Variants in WNT5B observed in about 807,000 individuals in gnomAD.
The protein encoded by WNT5B is Wnt family member 5B.
Under a neutral mutation model 36.5 loss-of-function variants are expected in WNT5B, and 18 were observed. That is an observed-to-expected ratio of 0.49 (90% CI 0.34 to 0.73). WNT5B has a LOEUF of 0.73. Among genes scored for constraint, WNT5B ranks in the 30% least tolerant of loss-of-function variants. The probability of loss-of-function intolerance (pLI) is 0.01; values close to 1 mark genes in which losing one functional copy is unlikely to be tolerated. For synonymous variants in WNT5B, 213 were observed against 212.3 expected (o/e 1.00, Z -0.03); for missense variants, 424 against 508.4 (o/e 0.83, Z 1.60).
chr12:1,631,257 G>C, intron 1 of WNT5B, 41 bp from the exon 2 acceptor site: 2 of 1,551,612 alleles, frequency 1.3e-6, no homozygotes, highest in Non-Finnish European at 1.7e-6. Context: ...GCCCTTATCC[G>C]CTGAGTTTCC....
At chr12:1,628,704 T>C (rs2094544482), upstream of WNT5B, among the ~76,000 whole-genome samples, 1 of 152,208 alleles carries the variant, frequency 6.6e-6, no homozygotes, top group Admixed American at 6.5e-5. Flanking sequence ...CCAGTCGGGT[T>C]GAGGCAAGAA....
At position 1,639,295 on chromosome 12, in the gene WNT5B, G is replaced by A. The variant is rs374578873; in HGVS notation, c.329-389G>A. Among the ~76,000 whole-genome samples the A allele has an allele frequency of 2.8e-4, 43 of 151,450 alleles. No homozygotes were observed. The East Asian group carries it at 5.7e-3, about 20-fold the overall frequency. On this transcript the variant is annotated intron_variant, in intron 3 of 4. Transcript: ENST00000397196. ...TGGGACTACAGGCGCCCGCCACCAC[G>A]CCCGGCTAATTTTTTGTATTTTTAG...
chr12:1,631,576 A>C, intron 2 of WNT5B, 142 bp downstream of exon 2: 1 of 1,328,860 alleles, frequency 7.5e-7, no homozygotes, highest in Non-Finnish European at 1.0e-6. Flanking sequence ...AGGAAAACTA[A>C]GAACGCTCTG....
In WNT5B at chr12:1,630,466, G is replaced by A. The variant is rs1440368182; in HGVS notation, c.-57-832G>A. Among the ~76,000 whole-genome samples, 1 of 152,230 alleles carries A rather than the reference G, an allele frequency of 6.6e-6. No homozygotes were observed. Among genetic ancestry groups the A allele is most frequent in the South Asian group, 2.1e-4 (1 of 4,834 alleles). On this transcript the variant is annotated intron_variant, in intron 1 of 4. Coordinates refer to ENST00000397196, the MANE Select transcript of WNT5B (RefSeq NM_032642.3). This position sits in a 1 kb window ranked among gnomAD's most constrained non-coding sequence, Gnocchi z 5.3. ...GGAGGCCCGGGAGCCAGCAGGGAAG[G>A]GCTGTGGCATCTGGAAGATGCGTCC... is the stretch of plus-strand genomic sequence containing the variant.
At chr12:1,627,285 C>T (rs778533165), upstream of WNT5B, among the ~76,000 whole-genome samples, 5 of 152,150 alleles carry the variant, frequency 3.3e-5, no homozygotes, top group South Asian at 8.3e-4. The surrounding 1 kb of genome is among the most constrained non-coding windows in gnomAD (Gnocchi z 5.0). Context: ...CTGGATGTGA[C>T]GGTGCCTGTC....
chr12:1,640,032 G>A, intron 4 of WNT5B, 56 bp downstream of exon 4: 3 of 1,546,246 alleles, frequency 1.9e-6, no homozygotes, highest in Non-Finnish European at 2.6e-6. Context: ...GCTGTTCCCG[G>A]GCTGTGCCAC....
chr12:1,619,927 C>CA (rs1186748788), intron 1 of WNT5B, among the ~76,000 whole-genome samples: 3 of 151,742 alleles, frequency 2.0e-5, no homozygotes, highest in African/African-American at 7.3e-5. Flanking sequence ...TTTTTTAAGT[C>CA]AAAAAATAAA....
intron 3 of WNT5B, among the ~76,000 whole-genome samples, chr12:1,636,528 T>C (rs2094561660): frequency 1.8e-5 from 1 of 55,014 alleles, no homozygotes; most frequent in Non-Finnish European, 3.2e-5. Flanking sequence ...TATATATATA[T>C]ATATATATAT....
intron 3 of WNT5B, among the ~76,000 whole-genome samples, chr12:1,635,771 C>T (rs997969164): frequency 2.0e-5 from 3 of 152,236 alleles, no homozygotes; most frequent in Admixed American, 6.5e-5. Context: ...CCCCAGTGCT[C>T]CTTGTCACAT....
upstream of WNT5B, among the ~76,000 whole-genome samples, chr12:1,626,596 A>C (rs1592519576): frequency 1.1e-4 from 12 of 109,230 alleles, no homozygotes; most frequent in Admixed American, 2.0e-4. Context: ...ACGGAGTCTC[A>C]CTCTATCGCC....
At chr12:1,639,195 T>G (rs1281961799) in intron 3 of WNT5B, among the ~76,000 whole-genome samples, 1 of 150,806 alleles carries the variant, frequency 6.6e-6, no homozygotes, top group Non-Finnish European at 1.5e-5. Flanking sequence ...TGGAGTGCAG[T>G]GGCGCGGTCT....
intron 1 of WNT5B, among the ~76,000 whole-genome samples, chr12:1,623,952 G>A (rs2094537738): frequency 6.6e-6 from 1 of 152,194 alleles, no homozygotes; most frequent in Non-Finnish European, 1.5e-5. Context: ...GGCTGTGTGT[G>A]TATCTAAGTG....
chr12:1,639,550 C>T (rs558518787), intron 3 of WNT5B, 134 bp from the exon 4 acceptor site: 5 of 935,988 alleles, frequency 5.3e-6, no homozygotes, highest in Middle Eastern at 3.1e-4. Context: ...GTTAGAGCTA[C>T]GGGAAGCGAA....
At chr12:1,639,352 C>A (rs1029061959) in intron 3 of WNT5B, among the ~76,000 whole-genome samples, 27 of 152,284 alleles carry the variant, frequency 1.8e-4, no homozygotes, top group African/African-American at 2.4e-4. Context: ...GTTGGCCAGG[C>A]TGGTCTCGAT....
chr12:1,639,557 C>A (rs1392464053), intron 3 of WNT5B, 127 bp from the exon 4 acceptor site: 6 of 1,058,280 alleles, frequency 5.7e-6, no homozygotes, highest in Non-Finnish European at 7.7e-6. Context: ...CTACGGGAAG[C>A]GAAGCCCCCT....
chr12:1,630,988 G>A lies in WNT5B; in HGVS notation c.-57-310G>A, dbSNP rs1259046698. 5.7e-6 allele frequency: 1 copy of A among 176,618 alleles called. No homozygotes were observed. The highest frequency in any genetic ancestry group is 5.7e-5 in the Admixed American group (1 of 17,476). The allele number at this position is 176,618 out of a possible 1,614,324, so 10.9% of individuals were successfully genotyped here. On this transcript the variant is annotated intron_variant, in intron 1 of 4. Transcript: ENST00000397196. The surrounding 1 kb of genome is among the most constrained non-coding windows in gnomAD (Gnocchi z 5.3). ...CAACAGCCGAAGTGGCCTCCCGGCT[G>A]CCGAACGGAGGAACGCCGCAAGCTC...
At chr12:1,635,274 T>G (rs1177646498) in intron 3 of WNT5B, among the ~76,000 whole-genome samples, 1 of 152,240 alleles carries the variant, frequency 6.6e-6, no homozygotes, top group Non-Finnish European at 1.5e-5. Flanking sequence ...CAGCTGCAGG[T>G]ACGTGATTTT....
Position 1,632,994 on chromosome 12 carries a change from G to A in WNT5B, c.328+89G>A. 2.6e-6 allele frequency: 4 copies of A among 1,514,666 alleles called. No individual in the cohort carries two copies. The South Asian group carries it at 5.1e-5, about 19-fold the overall frequency. 93.8% of individuals were successfully genotyped at this position (1,514,666 alleles called of 1,614,324 possible). On this transcript the variant is annotated intron_variant, in intron 3 of 4. Coordinates refer to ENST00000397196, the MANE Select transcript of WNT5B (RefSeq NM_032642.3). The surrounding 1 kb of genome is among the most constrained non-coding windows in gnomAD (Gnocchi z 5.8). Reference sequence around the variant, plus strand: ...AGCTCTCTCAGGACTGGCACAGGGAGAGCCCAAAGGCAGCCTAAGTGGGCT... The same window carrying A: ...AGCTCTCTCAGGACTGGCACAGGGAAAGCCCAAAGGCAGCCTAAGTGGGCT...
chr12:1,625,427 C>G (rs4766400), upstream of WNT5B, among the ~76,000 whole-genome samples: 1 of 151,794 alleles, frequency 6.6e-6, no homozygotes, highest in Admixed American at 6.6e-5. Flanking sequence ...CTCTACAGTA[C>G]GAGAAATGAG....
Sources: allele counts gnomAD v4.1 joint callset (sites outside exome capture counted in the v4.1 genomes callset), GRCh38; gene constraint gnomAD v4.1.1; non-coding constraint Gnocchi (gnomAD v3.1); transcripts MANE v1.5; gene names NCBI Gene and HGNC (gene_info 2026-07-23, HGNC 2026-07-21).